Variants in CDH4 observed in about 807,000 individuals in gnomAD.
The protein encoded by CDH4 is cadherin 4, also known as cadherin-4.
CDH4 carries 33 observed loss-of-function variants against 86.0 expected under a neutral mutation model. That is an observed-to-expected ratio of 0.38 (90% confidence interval 0.29 to 0.51). CDH4 has a LOEUF of 0.51. Among genes scored for constraint, CDH4 ranks in the 20% least tolerant of loss-of-function variants. The probability of loss-of-function intolerance (pLI) is 0.86; values close to 1 mark genes in which losing one functional copy is unlikely to be tolerated. For missense variants in CDH4, 1,114 were observed against 1,307.4 expected, an observed-to-expected ratio of 0.85 and a Z score of 2.28; for synonymous variants, 555 against 549.4, an observed-to-expected ratio of 1.01 and a Z score of -0.14.
At chr20:61,891,077 G>C (rs1469419378) in intron 7 of CDH4, among the ~76,000 whole-genome samples, 3 of 152,106 alleles carry the variant, frequency 2.0e-5, no homozygotes, top group Non-Finnish European at 4.4e-5. Context: ...AGGAGGGAGA[G>C]GGACAACACA....
intron 2 of CDH4, among the ~76,000 whole-genome samples, chr20:61,585,658 A>T (rs143625670): frequency 1.1e-3 from 167 of 150,054 alleles, no homozygotes; most frequent in African/African-American, 3.7e-3. Flanking sequence ...GGTGATGGTG[A>T]TGGTGATTGT....
At chr20:61,284,638 G>A (rs1185111488) in intron 2 of CDH4, among the ~76,000 whole-genome samples, 1 of 152,214 alleles carries the variant, frequency 6.6e-6, no homozygotes, top group East Asian at 1.9e-4. Flanking sequence ...CCGGACAGAG[G>A]TGCTGGTGAT....
intron 2 of CDH4, among the ~76,000 whole-genome samples, chr20:61,401,225 C>T (rs190815132): frequency 1.3e-4 from 20 of 152,304 alleles, no homozygotes; most frequent in Non-Finnish European, 1.3e-4. Flanking sequence ...GTACTTTTCA[C>T]TCCAAATTTC....
intron 4 of CDH4, among the ~76,000 whole-genome samples, chr20:61,794,307 G>T (rs1466022755): frequency 6.6e-6 from 1 of 152,092 alleles, no homozygotes; most frequent in Non-Finnish European, 1.5e-5. Flanking sequence ...TGAAGGGGAG[G>T]CAGGCCAGTA....
intron 5 of CDH4, 85 bp downstream of exon 5, chr20:61,844,908 C>T: frequency 3.0e-6 from 4 of 1,331,416 alleles, no homozygotes; most frequent in Non-Finnish European, 4.1e-6. Context: ...CCCAGCAGGG[C>T]CATGCCTGCC....
intron 2 of CDH4, among the ~76,000 whole-genome samples, chr20:61,669,022 GCTGCGGCAGGC>G (rs2087357484): frequency 6.6e-6 from 1 of 152,224 alleles, no homozygotes; most frequent in Admixed American, 6.5e-5. Flanking sequence ...GAAGCTCAGG[GCTGCGGCAGGC>G]CGGCGGCAGG....
chr20:61,347,100 C>T (rs982010209), intron 2 of CDH4, among the ~76,000 whole-genome samples: 2 of 152,178 alleles, frequency 1.3e-5, no homozygotes, highest in Admixed American at 6.5e-5. Context: ...GTGTAGGGCC[C>T]GAACTCCCAG....
intron 14 of CDH4, 119 bp from the exon 15 acceptor site, chr20:61,933,937 G>A: frequency 8.7e-7 from 1 of 1,145,830 alleles, no homozygotes; most frequent in Non-Finnish European, 1.3e-6. Flanking sequence ...GATGCTTGGA[G>A]ACCAGGCCAC....
chr20:61,615,003 G>A (rs2086714185), intron 2 of CDH4, among the ~76,000 whole-genome samples: 1 of 152,152 alleles, frequency 6.6e-6, no homozygotes, highest in African/African-American at 2.4e-5. Context: ...CCAGAAACCA[G>A]GTGGACCCTG....
intron 2 of CDH4, among the ~76,000 whole-genome samples, chr20:61,605,886 GAAAAAAAAAA>G (rs529210946): frequency 7.9e-6 from 1 of 126,000 alleles, no homozygotes; most frequent in Non-Finnish European, 1.7e-5. Flanking sequence ...GGCTGTGGAG[GAAAAAAAAAA>G]AAAAAAAAAC....
chr20:61,755,080 G>A (rs1390308689), intron 3 of CDH4: 2 of 152,182 alleles, frequency 1.3e-5, no homozygotes, highest in African/African-American at 4.8e-5. Context: ...TGAGGAAGAA[G>A]CAAAATGAAA....
intron 2 of CDH4, among the ~76,000 whole-genome samples, chr20:61,701,355 C>A (rs929894361): frequency 2.0e-5 from 3 of 152,190 alleles, no homozygotes; most frequent in African/African-American, 7.2e-5. Flanking sequence ...AGAATTGAAC[C>A]CATAACAAGC....
chr20:61,789,322 A>T (rs1388449567), intron 4 of CDH4, among the ~76,000 whole-genome samples: 2 of 152,134 alleles, frequency 1.3e-5, no homozygotes, highest in African/African-American at 4.8e-5. Context: ...AGCTGATTTC[A>T]TTTTCCCAAA....
chr20:61,906,486 A>C (rs1270219250), intron 8 of CDH4, among the ~76,000 whole-genome samples: 1 of 152,264 alleles, frequency 6.6e-6, no homozygotes, highest in African/African-American at 2.4e-5. Context: ...CCTGAAGGCC[A>C]GAAGCTACAG....
intron 4 of CDH4, among the ~76,000 whole-genome samples, chr20:61,797,555 C>T (rs1268981384): frequency 6.6e-6 from 1 of 152,174 alleles, no homozygotes; most frequent in Non-Finnish European, 1.5e-5. Flanking sequence ...CTTTGGGAGG[C>T]AGGTGGATCA....
At chr20:61,398,199 C>T (rs925187089) in intron 2 of CDH4, among the ~76,000 whole-genome samples, 2 of 152,254 alleles carry the variant, frequency 1.3e-5, no homozygotes, top group East Asian at 1.9e-4. Context: ...CAAAGATTTC[C>T]GGCTTTAAAT....
At chr20:61,814,592 C>T (rs1980617851) in intron 4 of CDH4, among the ~76,000 whole-genome samples, 1 of 152,250 alleles carries the variant, frequency 6.6e-6, no homozygotes, top group Admixed American at 6.5e-5. Context: ...AGCTGCTTTG[C>T]AGCGATGTGG....
intron 2 of CDH4, among the ~76,000 whole-genome samples, chr20:61,536,427 C>G (rs1455706591): frequency 6.7e-6 from 1 of 149,522 alleles, no homozygotes; most frequent in Non-Finnish European, 1.5e-5. Context: ...TGATAATGTT[C>G]ATGATTACTA....
rs553053188 is a variant in CDH4 at position 61,708,292 on chromosome 20, C to T, written c.170-35271C>T. 4.6e-5 allele frequency among the ~76,000 whole-genome samples: 7 copies of T among 152,196 alleles called. No homozygotes were observed. In the South Asian group the frequency reaches 1.0e-3, roughly 23 times the overall value. ...CCCGAACCAGATGTACCAAGCACCC[C>T]GCTGACTCAGACTCCCCGCCCCCCG... On this transcript the variant is annotated intron_variant, in intron 2 of 15. Coordinates refer to ENST00000614565, the MANE Select transcript of CDH4 (RefSeq NM_001794.5). This position sits in a 1 kb window ranked among gnomAD's most constrained non-coding sequence, Gnocchi z 4.5.
Sources: gnomAD v4.1 joint callset for allele counts (sites outside exome capture counted in the v4.1 genomes callset) on GRCh38, gnomAD v4.1.1 for gene constraint, Gnocchi (gnomAD v3.1) non-coding constraint, MANE v1.5 for transcripts, NCBI Gene and HGNC (gene_info 2026-07-23, HGNC 2026-07-21) for gene names.